The following KIF24 variants were observed in gnomAD, a reference collection of about 807,000 sequenced individuals.
The protein encoded by KIF24 is kinesin-like protein KIF24.
KIF24 carries 81 observed loss-of-function variants against 118.9 expected under a neutral mutation model. The ratio of observed to expected loss-of-function variants is 0.68; its 90% CI spans 0.57 to 0.82. KIF24 has a LOEUF of 0.82. Among genes scored for constraint, KIF24 ranks in the 40% least tolerant of loss-of-function variants. The pLI, the probability that KIF24 is intolerant of heterozygous loss-of-function variation, is 0.00. For synonymous variants in KIF24, 599 were observed against 610.0 expected (o/e 0.98, Z 0.27); for missense variants, 1,560 against 1,661.6 (o/e 0.94, Z 1.06).
rs1837385576 is a variant in KIF24, at chr9:34,318,112, G to A, written c.-25-6741C>T. On this transcript the variant is annotated intron_variant, in intron 1 of 12. Transcript: ENST00000402558. This position sits in a 1 kb window ranked among gnomAD's most constrained non-coding sequence, Gnocchi z 4.9. ...AGCCTGATTAGAAAATTAGGGAGGAGAACAAACAAGTCTAAAGCTGGTGGT... is the reference window on the plus strand; with the variant it reads ...AGCCTGATTAGAAAATTAGGGAGGAAAACAAACAAGTCTAAAGCTGGTGGT... 6.6e-6 allele frequency among the ~76,000 whole-genome samples: 1 copy of A among 151,932 alleles called. No individual in the cohort carries two copies. The highest frequency in any genetic ancestry group is 1.5e-5 in the Non-Finnish European group (1 of 67,972).
Position 34,253,834 on chromosome 9 carries a change from C to T in KIF24, c.*546G>A, listed in dbSNP as rs1319314652. Reference sequence around the variant, plus strand: ...TACATTTTCAAAAACGCCTCTAAATCCCCAAATCAATCTCCAAGGGCTGAT... The same window carrying T: ...TACATTTTCAAAAACGCCTCTAAATTCCCAAATCAATCTCCAAGGGCTGAT... On this transcript the variant is annotated 3_prime_UTR_variant, in exon 13 of 13. Transcript: ENST00000402558. 6.6e-6 allele frequency: 1 copy of T among 152,314 alleles called. No homozygotes were observed. The highest frequency in any genetic ancestry group is 1.5e-5 in the Non-Finnish European group (1 of 68,118). The allele number at this position is 152,314 out of a possible 1,614,324, so 9.4% of individuals were successfully genotyped here.
intron 3 of KIF24, among the ~76,000 whole-genome samples, chr9:34,305,917 TTTAAA>T (rs1364386278): frequency 7.2e-5 from 11 of 152,218 alleles, no homozygotes; most frequent in Non-Finnish European, 1.0e-4. Context: ...CACTTCATTA[TTTAAA>T]TTATTTTTAT....
intron 3 of KIF24, among the ~76,000 whole-genome samples, chr9:34,300,392 A>G (rs1457230986): frequency 2.0e-5 from 3 of 151,324 alleles, no homozygotes; most frequent in Admixed American, 6.6e-5. Context: ...TTTTTGAGAC[A>G]GAGTCTCACT....
chr9:34,255,919 G>A lies in KIF24; in HGVS notation c.3688C>T (p.Leu1230Phe). 5 of 1,613,988 alleles carry A rather than the reference G, an allele frequency of 3.1e-6. No homozygotes were observed. In the East Asian group the frequency reaches 1.1e-4, roughly 36 times the overall value. The change falls in exon 11 of 13, where the codon CTT (leucine) becomes TTT (phenylalanine). Residue 1230 changes from leucine to phenylalanine, a missense_variant. Leu to Phe is a conservative substitution (Grantham distance 22, BLOSUM62 0). Coordinates refer to ENST00000402558, the MANE Select transcript of KIF24 (RefSeq NM_194313.4). Reference sequence around the variant, plus strand: ...GACAAACCAAACTCCTGCCAACCAAGCCTTGTAGGATGTTTTCTCTCCTGG... The same window carrying A: ...GACAAACCAAACTCCTGCCAACCAAACCTTGTAGGATGTTTTCTCTCCTGG... Reference protein sequence around the residue: ...WAQERKHPTRLGWQEFGLSTD... With the variant: ...WAQERKHPTRFGWQEFGLSTD...
At chr9:34,254,968 G>A (rs567830576) in intron 12 of KIF24, 104 bp downstream of exon 12, 2 of 759,194 alleles carry the variant, frequency 2.6e-6, no homozygotes, top group South Asian at 3.3e-5. Flanking sequence ...GTGTGTGCCA[G>A]GAGACCCTTT....
At chr9:34,269,074 T>C (rs866342186) in intron 8 of KIF24, among the ~76,000 whole-genome samples, 183 bp downstream of exon 8, 20 of 152,270 alleles carry the variant, frequency 1.3e-4, no homozygotes, top group Middle Eastern at 3.4e-3. Flanking sequence ...GAGAAGAAAA[T>C]AGTTGCCTAG....
chr9:34,268,690 TAGAGACAGAGTTTCACC>T (rs1009139611), intron 8 of KIF24, among the ~76,000 whole-genome samples: 1 of 151,984 alleles, frequency 6.6e-6, no homozygotes, highest in African/African-American at 2.4e-5. Flanking sequence ...GTATTTTTAA[TAGAGACAGAGTTTCACC>T]ATGTTGGCCA....
In KIF24 at chr9:34,266,955, AAAC is replaced by A. The variant is rs529003869; in HGVS notation, c.1443+2299_1443+2301del. Among the ~76,000 whole-genome samples, 11 of 152,308 alleles carry A rather than the reference AAAC, an allele frequency of 7.2e-5. No individual in the cohort carries two copies. In the South Asian group the frequency reaches 1.5e-3, roughly 20 times the overall value. On this transcript the variant is annotated intron_variant, in intron 8 of 12. Transcript: ENST00000402558. The stretch of plus-strand genomic sequence containing the variant: ...AGTTTATAATAATAGAAAAAAAGGT[AAAC>A]AACAACAATAAAACAAACTCATATT...
At chr9:34,329,495 T>C (rs1837810278), upstream of KIF24, 1 of 152,240 alleles carries the variant, frequency 6.6e-6, no homozygotes, top group South Asian at 2.1e-4. Context: ...CGAAGATCCT[T>C]CTGCCGAATT....
chr9:34,283,494 A>T (rs1835930699), intron 6 of KIF24, among the ~76,000 whole-genome samples: 1 of 152,164 alleles, frequency 6.6e-6, no homozygotes, highest in South Asian at 2.1e-4. Context: ...ACGGTATATG[A>T]ACTACATTTT....
At chr9:34,277,524 T>C (rs1835700986) in intron 6 of KIF24, among the ~76,000 whole-genome samples, 1 of 152,160 alleles carries the variant, frequency 6.6e-6, no homozygotes, top group Non-Finnish European at 1.5e-5. Context: ...TGGTTCTTCC[T>C]CAAGAGTGTC....
chr9:34,307,872 AAAAAAAAG>A (rs1267661617), intron 2 of KIF24, among the ~76,000 whole-genome samples: 3 of 151,934 alleles, frequency 2.0e-5, no homozygotes, highest in South Asian at 2.1e-4. Context: ...AAAAAAAAAA[AAAAAAAAG>A]AAAAAAGAAA....
intron 3 of KIF24, among the ~76,000 whole-genome samples, chr9:34,303,330 A>G (rs1020701762): frequency 6.6e-6 from 1 of 152,150 alleles, no homozygotes; most frequent in Non-Finnish European, 1.5e-5. Flanking sequence ...AAGGATTTTA[A>G]GTAAAAAAGT....
intron 8 of KIF24, among the ~76,000 whole-genome samples, chr9:34,266,982 T>C: frequency 6.6e-6 from 1 of 152,334 alleles, no homozygotes; most frequent in Non-Finnish European, 1.5e-5. Flanking sequence ...CAAACTCATA[T>C]TATGTTTAGG....
At chr9:34,315,126 C>G (rs1409021899) in intron 1 of KIF24, among the ~76,000 whole-genome samples, 3 of 152,168 alleles carry the variant, frequency 2.0e-5, no homozygotes, top group African/African-American at 7.2e-5. Flanking sequence ...TTCTATGTCA[C>G]TGGTGTCTCT....
intron 6 of KIF24, among the ~76,000 whole-genome samples, chr9:34,283,206 A>C (rs1213349406): frequency 6.6e-6 from 1 of 151,910 alleles, no homozygotes; most frequent in Non-Finnish European, 1.5e-5. Context: ...ATCTCTACTA[A>C]AAATGCCAAA....
rs567831755 is a variant in KIF24, at chr9:34,318,500, G to A, written c.-25-7129C>T. The A allele has an allele frequency of 8.9e-5, 76 of 852,960 alleles. No individual in the cohort carries two copies. Among genetic ancestry groups the A allele is most frequent in the African/African-American group, 1.5e-4 (9 of 60,984 alleles). The allele number at this position is 852,960 out of a possible 1,614,324, so 52.8% of individuals were successfully genotyped here. A position where few individuals can be genotyped will look rare whatever the true frequency, so the allele number is the denominator to read the frequency against. On this transcript the variant is annotated intron_variant, in intron 1 of 12. Coordinates refer to ENST00000402558, the MANE Select transcript of KIF24 (RefSeq NM_194313.4). This position sits in a 1 kb window ranked among gnomAD's most constrained non-coding sequence, Gnocchi z 4.9. ...TGCAGCCACAGCAGCTCCTGGCACC[G>A]CAGAGAAGCTGAGCCCCAAGGCAGC...
At chr9:34,311,769 T>C (rs893362332) in intron 1 of KIF24, among the ~76,000 whole-genome samples, 2 of 147,748 alleles carry the variant, frequency 1.4e-5, no homozygotes, top group East Asian at 1.9e-4. Context: ...TATATATACA[T>C]ATATATACAC....
At chr9:34,328,636 T>C (rs1471552163) in intron 1 of KIF24, among the ~76,000 whole-genome samples, 5 of 152,236 alleles carry the variant, frequency 3.3e-5, no homozygotes, top group African/African-American at 1.2e-4. Context: ...AATCTATTTC[T>C]TGTAAATTAA....
Sources: allele counts gnomAD v4.1 joint callset (sites outside exome capture counted in the v4.1 genomes callset), GRCh38; gene constraint gnomAD v4.1.1; non-coding constraint Gnocchi (gnomAD v3.1); transcripts MANE v1.5; gene names NCBI Gene and HGNC (gene_info 2026-07-23, HGNC 2026-07-21).